LRP8: variants seen among roughly 807,000 people sequenced by gnomAD.
The protein encoded by LRP8 is LDL receptor related protein 8.
In LRP8, 46 loss-of-function variants were observed where a neutral mutation model predicts 111.6. The ratio of observed to expected loss-of-function variants is 0.41; its 90% confidence interval spans 0.33 to 0.53. The LOEUF is 0.53. LRP8 is among the 20% of genes least tolerant of loss of function. The pLI, the probability that LRP8 is intolerant of heterozygous loss-of-function variation, is 0.20. For synonymous variants in LRP8, 464 were observed against 511.2 expected (o/e 0.91, Z 1.24); for missense variants, 959 against 1,297.4 (o/e 0.74, Z 4.01).
intron 8 of LRP8, chr1:53,268,244 C>T (rs1371166488): frequency 6.6e-6 from 1 of 152,202 alleles, no homozygotes; most frequent in Admixed American, 6.5e-5. Context: ...AGGCAGGAGC[C>T]AGGTTAAAGG....
intron 2 of LRP8, among the ~76,000 whole-genome samples, chr1:53,318,448 T>C (rs1451778018): frequency 6.6e-6 from 1 of 151,628 alleles, no homozygotes; most frequent in Non-Finnish European, 1.5e-5. Context: ...AGGGAGAGAG[T>C]TGTGAGATGG....
Position 53,245,683 on chromosome 1 carries a change from A to C in LRP8, c.*1335T>G, listed in dbSNP as rs1645710320. 2 of 152,648 alleles carry C rather than the reference A, an allele frequency of 1.3e-5. No homozygotes were observed. The highest frequency in any genetic ancestry group is 2.9e-5 in the Non-Finnish European group (2 of 68,040). 9.5% of individuals were successfully genotyped at this position (152,648 alleles called of 1,614,324 possible). A position where few individuals can be genotyped will look rare whatever the true frequency, so the allele number is the denominator to read the frequency against. On this transcript the variant is annotated 3_prime_UTR_variant, in exon 19 of 19. Transcript: ENST00000306052. ...CAATTTTGGCCAGTTGTTCTGACTT[A>C]AGCCAAAAATTAGTTTCATCTATAT...
intron 2 of LRP8, among the ~76,000 whole-genome samples, chr1:53,298,228 A>G (rs898005323): frequency 2.6e-5 from 4 of 152,186 alleles, no homozygotes; most frequent in Non-Finnish European, 5.9e-5. Context: ...TTGCTGGGGT[A>G]TGTAGGCCTC....
chr1:53,310,579 G>C (rs75898102), intron 2 of LRP8, among the ~76,000 whole-genome samples: 272 of 152,294 alleles, frequency 1.8e-3, no homozygotes, highest in African/African-American at 6.2e-3. Context: ...GAGCCTGTGA[G>C]GAGCTGGGCT....
intron 2 of LRP8, among the ~76,000 whole-genome samples, chr1:53,326,293 A>G (rs1028474098): frequency 2.6e-5 from 4 of 152,206 alleles, no homozygotes; most frequent in Non-Finnish European, 5.9e-5. Context: ...GGGCCGGGGC[A>G]GGGCAGGGCG....
At chr1:53,251,090 G>T (rs555505642) in intron 16 of LRP8, among the ~76,000 whole-genome samples, 1 of 152,082 alleles carries the variant, frequency 6.6e-6, no homozygotes, top group Non-Finnish European at 1.5e-5. Context: ...CCCAACTGTG[G>T]GCAGAGTCAG....
intron 3 of LRP8, among the ~76,000 whole-genome samples, chr1:53,283,215 C>A (rs368314799): frequency 6.6e-6 from 1 of 152,040 alleles, no homozygotes; most frequent in Non-Finnish European, 1.5e-5. Context: ...CCTTCCACCA[C>A]GTGAGGATGA....
intron 2 of LRP8, among the ~76,000 whole-genome samples, chr1:53,310,435 G>C (rs1050702793): frequency 7.9e-5 from 12 of 152,182 alleles, no homozygotes; most frequent in Non-Finnish European, 1.6e-4. Flanking sequence ...CTGTAAATGG[G>C]GGATGAGAAC....
chr1:53,302,159 G>C (rs1372451619), intron 2 of LRP8, among the ~76,000 whole-genome samples: 3 of 152,202 alleles, frequency 2.0e-5, no homozygotes, highest in Non-Finnish European at 2.9e-5. Context: ...GCTGGCAGTA[G>C]TAGGGGCTGA....
intron 2 of LRP8, 51 bp downstream of exon 2, chr1:53,326,822 C>T (rs750229113): frequency 1.9e-6 from 3 of 1,584,974 alleles, no homozygotes; most frequent in African/African-American, 1.4e-5. Flanking sequence ...ATGGTGCCCC[C>T]CACCGTTCCT....
intron 4 of LRP8, among the ~76,000 whole-genome samples, chr1:53,277,462 G>C (rs1292160236): frequency 6.6e-6 from 1 of 151,932 alleles, no homozygotes; most frequent in Non-Finnish European, 1.5e-5. Context: ...GCTCCTCATA[G>C]CATAGCGATG....
At chr1:53,280,864 G>T in intron 3 of LRP8, 149 bp from the exon 4 acceptor site, 1 of 984,332 alleles carries the variant, frequency 1.0e-6, no homozygotes, top group Non-Finnish European at 1.5e-6. Context: ...TTCATCAGCT[G>T]AGAAGAAGCC....
intron 16 of LRP8, among the ~76,000 whole-genome samples, chr1:53,252,688 CT>C (rs1488685798): frequency 1.3e-5 from 2 of 152,164 alleles, no homozygotes; most frequent in East Asian, 3.8e-4. Flanking sequence ...TAAAAGAAGA[CT>C]GAAATAAATA....
At chr1:53,295,834 AG>A (rs1649608944) in intron 2 of LRP8, among the ~76,000 whole-genome samples, 1 of 152,184 alleles carries the variant, frequency 6.6e-6, no homozygotes, top group African/African-American at 2.4e-5. Flanking sequence ...CCAAGAAACA[AG>A]TGGTCCAATG....
chr1:53,310,269 C>G (rs1405755143), intron 2 of LRP8, among the ~76,000 whole-genome samples: 3 of 152,086 alleles, frequency 2.0e-5, no homozygotes, highest in African/African-American at 7.2e-5. Context: ...CAGCCTTGCC[C>G]CCTCCTGCCA....
At chr1:53,286,558 T>C (rs1356629712) in intron 3 of LRP8, among the ~76,000 whole-genome samples, 1 of 151,958 alleles carries the variant, frequency 6.6e-6, no homozygotes, top group Non-Finnish European at 1.5e-5. Context: ...AAGTGAGCTA[T>C]AATTAGAGCT....
At chr1:53,274,462 GA>G (rs752475562) in intron 6 of LRP8, among the ~76,000 whole-genome samples, 10 of 152,256 alleles carry the variant, frequency 6.6e-5, no homozygotes, top group Non-Finnish European at 1.5e-4. Flanking sequence ...GTTTGTGAGA[GA>G]AAACATAATT....
At chr1:53,254,038 A>T (rs1427300157) in intron 16 of LRP8, among the ~76,000 whole-genome samples, 2 of 152,072 alleles carry the variant, frequency 1.3e-5, no homozygotes, top group Non-Finnish European at 2.9e-5. Context: ...ACATTTGCTG[A>T]CTAACTCGGC....
chr1:53,327,639 A>G, intron 1 of LRP8, 150 bp downstream of exon 1: 1 of 1,246,660 alleles, frequency 8.0e-7, no homozygotes, highest in Non-Finnish European at 1.0e-6. Context: ...CCGAGGGCAA[A>G]TTCAGGAATA....
Sources: gnomAD v4.1 joint callset for allele counts (sites outside exome capture counted in the v4.1 genomes callset) on GRCh38, gnomAD v4.1.1 for gene constraint, MANE v1.5 for transcripts, NCBI Gene and HGNC (gene_info 2026-07-23, HGNC 2026-07-21) for gene names.